Variants in ZPLD1 observed in about 807,000 individuals in gnomAD.
ZPLD1 encodes zona pellucida-like domain-containing protein 1.
In ZPLD1, 34 loss-of-function variants were observed where a neutral mutation model predicts 47.2. The ratio of observed to expected loss-of-function variants is 0.72; its 90% CI spans 0.55 to 0.96. The LOEUF is 0.96. ZPLD1 is among the 40% of genes least tolerant of loss of function. The probability of loss-of-function intolerance (pLI) is 0.00; values close to 1 mark genes in which losing one functional copy is unlikely to be tolerated. For missense variants in ZPLD1, 512 were observed against 505.8 expected (o/e 1.01, Z -0.12); for synonymous variants, 176 against 186.2 (o/e 0.95, Z 0.45).
chr3:102,419,635 A>ATT (rs143303657), intron 8 of ZPLD1, among the ~76,000 whole-genome samples: 1 of 144,778 alleles, frequency 6.9e-6, no homozygotes, highest in Admixed American at 6.9e-5. Flanking sequence ...TAAACGACTG[A>ATT]TTTTTTTTTT....
intron 6 of ZPLD1, among the ~76,000 whole-genome samples, chr3:102,459,222 A>C (rs1378815918): frequency 6.6e-6 from 1 of 151,240 alleles, no homozygotes; most frequent in Non-Finnish European, 1.5e-5. Flanking sequence ...CAATATTTAT[A>C]TAACTTTAAA....
chr3:102,391,446 T>G (rs189030477), intron 6 of ZPLD1, among the ~76,000 whole-genome samples: 1 of 152,238 alleles, frequency 6.6e-6, no homozygotes, highest in African/African-American at 2.4e-5. Flanking sequence ...TGAATGAGAT[T>G]GTGATAATAG....
chr3:102,438,129 C>A (rs1707119524), intron 2 of ZPLD1, among the ~76,000 whole-genome samples: 1 of 152,152 alleles, frequency 6.6e-6, no homozygotes, highest in Non-Finnish European at 1.5e-5. Flanking sequence ...CCAAATTAGT[C>A]TGCCTAGTTA....
At chr3:102,417,515 A>ATG (rs1415815994) in intron 7 of ZPLD1, among the ~76,000 whole-genome samples, 1 of 151,828 alleles carries the variant, frequency 6.6e-6, no homozygotes, top group Admixed American at 6.6e-5. Context: ...CCCCTAAACA[A>ATG]AAGCCGAGGT....
At chr3:102,462,061 G>A (rs1707514165) in intron 6 of ZPLD1, among the ~76,000 whole-genome samples, 1 of 151,954 alleles carries the variant, frequency 6.6e-6, no homozygotes, top group Non-Finnish European at 1.5e-5. Context: ...GTAAACTATG[G>A]AAACAAAAAG....
chr3:102,468,677 C>T (rs182845802), intron 8 of ZPLD1, among the ~76,000 whole-genome samples: 1 of 152,268 alleles, frequency 6.6e-6, no homozygotes, highest in African/African-American at 2.4e-5. Flanking sequence ...TCACCTCTGG[C>T]AGGTTTCTAT....
chr3:102,413,459 G>A (rs1349462639), intron 7 of ZPLD1, among the ~76,000 whole-genome samples: 1 of 151,770 alleles, frequency 6.6e-6, no homozygotes, highest in African/African-American at 2.4e-5. Context: ...CTTATGAAAA[G>A]TCTGTATTTT....
At chr3:102,410,391 A>G (rs957179251) in intron 7 of ZPLD1, among the ~76,000 whole-genome samples, 4 of 151,794 alleles carry the variant, frequency 2.6e-5, no homozygotes, top group African/African-American at 9.7e-5. Context: ...TATTAGAATT[A>G]CTATAATGTT....
At chr3:102,409,812 G>A (rs1706730517) in intron 7 of ZPLD1, among the ~76,000 whole-genome samples, 1 of 151,754 alleles carries the variant, frequency 6.6e-6, no homozygotes, top group African/African-American at 2.4e-5. Context: ...CTCCACTGTG[G>A]ATCGAAGTCA....
intron 8 of ZPLD1, among the ~76,000 whole-genome samples, chr3:102,429,903 G>C (rs145869861): frequency 6.6e-6 from 1 of 152,298 alleles, no homozygotes; most frequent in East Asian, 1.9e-4. Context: ...TTCTGAGAAT[G>C]TAACTTGTGA....
At chr3:102,460,088 T>C (rs1396162933) in intron 6 of ZPLD1, among the ~76,000 whole-genome samples, 1 of 152,108 alleles carries the variant, frequency 6.6e-6, no homozygotes, top group Non-Finnish European at 1.5e-5. Flanking sequence ...CTTTCATTAG[T>C]TGATCCAAAA....
At chr3:102,408,920 C>T (rs1001771538) in intron 7 of ZPLD1, among the ~76,000 whole-genome samples, 4 of 151,746 alleles carry the variant, frequency 2.6e-5, no homozygotes, top group African/African-American at 9.7e-5. Context: ...CTTGAGGAAA[C>T]ATACTTGATT....
intron 8 of ZPLD1, among the ~76,000 whole-genome samples, chr3:102,423,295 A>C (rs1300623826): frequency 6.6e-6 from 1 of 152,064 alleles, no homozygotes; most frequent in African/African-American, 2.4e-5. Flanking sequence ...AAATATGCTT[A>C]CCAATGACAA....
rs1559751465 is a variant in ZPLD1, at chr3:102,438,538, G to GT, written c.52dup (p.Ser18PhefsTer10). ...TTCTAACAATTAGAGTGCTTCCGGGGTCTGCTCAGTTCAACGGCTACAACT... is the reference window on the plus strand; with the variant it reads ...TTCTAACAATTAGAGTGCTTCCGGGGTTCTGCTCAGTTCAACGGCTACAACT... On this transcript the variant is annotated frameshift_variant, in exon 3 of 12. Coordinates refer to ENST00000466937, the MANE Select transcript of ZPLD1 (RefSeq NM_001329788.2). LOFTEE classifies it high-confidence loss of function. 1.9e-6 allele frequency: 3 copies of GT among 1,613,988 alleles called. No individual in the cohort carries two copies. The highest frequency in any genetic ancestry group is 2.5e-6 in the Non-Finnish European group (3 of 1,179,862).
chr3:102,400,760 C>G (rs1199963435), intron 7 of ZPLD1, among the ~76,000 whole-genome samples: 2 of 151,948 alleles, frequency 1.3e-5, no homozygotes, highest in African/African-American at 2.4e-5. Context: ...ATTTCCACAC[C>G]TGATGCAGCA....
chr3:102,390,805 A>G (rs964101775), intron 6 of ZPLD1, among the ~76,000 whole-genome samples: 3 of 152,172 alleles, frequency 2.0e-5, no homozygotes, highest in Non-Finnish European at 2.9e-5. Context: ...TGTCTAGACC[A>G]ATATCCCAAC....
At position 102,469,211 on chromosome 3, in the gene ZPLD1, G is replaced by A. The variant is rs193265577; in HGVS notation, c.933+76G>A. The A allele has an allele frequency of 1.6e-4, 230 of 1,460,274 alleles. 2 individuals carry two copies. The Admixed American group carries it at 2.2e-3, about 14-fold the overall frequency. The allele number at this position is 1,460,274 out of a possible 1,614,324, so 90.5% of individuals were successfully genotyped here. On this transcript the variant is annotated intron_variant, in intron 9 of 11. Transcript: ENST00000466937. Reference sequence around the variant, plus strand: ...AAGGTTATCAAATGTCAGAAACTAAGTTCTGCATAGAAAGTGGATATGTGT... The same window carrying A: ...AAGGTTATCAAATGTCAGAAACTAAATTCTGCATAGAAAGTGGATATGTGT...
upstream of ZPLD1, among the ~76,000 whole-genome samples, chr3:102,432,992 T>G (rs964296500): frequency 6.6e-6 from 1 of 152,234 alleles, no homozygotes; most frequent in African/African-American, 2.4e-5. Context: ...TCCATAGCAC[T>G]TATCACAAAT....
chr3:102,408,983 A>G (rs1706722021), intron 7 of ZPLD1, among the ~76,000 whole-genome samples: 2 of 151,880 alleles, frequency 1.3e-5, no homozygotes, highest in South Asian at 4.1e-4. Flanking sequence ...TGAGATCCTC[A>G]ATAAACAGAA....
Sources: gnomAD v4.1 joint callset for allele counts (sites outside exome capture counted in the v4.1 genomes callset) on GRCh38, gnomAD v4.1.1 for gene constraint, MANE v1.5 for transcripts, NCBI Gene and HGNC (gene_info 2026-07-23, HGNC 2026-07-21) for gene names.